Variants in GJC1 observed in about 807,000 individuals in gnomAD.
The protein encoded by GJC1 is gap junction gamma-1 protein.
In GJC1, 5 loss-of-function variants were observed where a neutral mutation model predicts 29.3. That is an observed-to-expected ratio of 0.17 (90% CI 0.09 to 0.36). The LOEUF (loss-of-function observed/expected upper bound fraction) is 0.36, where lower values mean the gene tolerates loss of function less well. Ranked by LOEUF, GJC1 falls within the 10% of genes least tolerant of loss-of-function variation. GJC1 has a pLI of 1.00. For missense variants in GJC1, 310 were observed against 496.2 expected (o/e 0.62, Z 3.56); for synonymous variants, 177 against 183.3 (o/e 0.97, Z 0.28).
At chr17:44,812,325 AAAATC>A (rs1336221265) in intron 1 of GJC1, among the ~76,000 whole-genome samples, 1 of 152,190 alleles carries the variant, frequency 6.6e-6, no homozygotes, top group East Asian at 1.9e-4. Flanking sequence ...CTCTGTCTCA[AAAATC>A]AAATCAAAAC....
intron 1 of GJC1, among the ~76,000 whole-genome samples, chr17:44,820,734 C>T (rs1407320527): frequency 3.3e-5 from 5 of 152,140 alleles, no homozygotes; most frequent in African/African-American, 4.8e-5. Flanking sequence ...GTGACTCATA[C>T]CCCTGAACGC....
At position 44,805,834 on chromosome 17, in the gene GJC1, T is replaced by C. The variant is rs762050774; in HGVS notation, c.-17A>G. On this transcript the variant is annotated 5_prime_UTR_variant, in exon 3 of 3. Transcript: ENST00000592524. This position sits in a 1 kb window ranked among gnomAD's most constrained non-coding sequence, Gnocchi z 5.1. ...CCAACTCATGGTGATTGAATTGGTATGCCCTGATAAAAGTGGAAAAATACC... is the reference window on the plus strand; with the variant it reads ...CCAACTCATGGTGATTGAATTGGTACGCCCTGATAAAAGTGGAAAAATACC... 7.0e-7 allele frequency: 1 copy of C among 1,433,708 alleles called. No individual in the cohort carries two copies. Among genetic ancestry groups the C allele is most frequent in the East Asian group, 2.3e-5 (1 of 43,620 alleles). 88.8% of individuals were successfully genotyped at this position (1,433,708 alleles called of 1,614,324 possible).
downstream of GJC1, among the ~76,000 whole-genome samples, chr17:44,796,644 C>A (rs1333350310): frequency 6.6e-6 from 1 of 152,170 alleles, no homozygotes; most frequent in Non-Finnish European, 1.5e-5. Flanking sequence ...GGTAATGCAA[C>A]TATTATGCAT....
rs184883365 is a variant in GJC1 at position 44,828,738 on chromosome 17, T to C, written c.-97+1324A>G. ...AAACTTAACCCACAACTCACAATAT[T>C]TTAATCAGGAGCTCTGGAAGTAAGG... On this transcript the variant is annotated intron_variant, in intron 1 of 2. Transcript: ENST00000592524. Among the ~76,000 whole-genome samples, 67 of 152,264 alleles carry C rather than the reference T, an allele frequency of 4.4e-4. 1 individual carries two copies. The highest frequency in any genetic ancestry group is 1.6e-3 in the African/African-American group (65 of 41,546).
At chr17:44,794,453 C>A (rs2049772456), downstream of GJC1, 1 of 152,192 alleles carries the variant, frequency 6.6e-6, no homozygotes, top group Non-Finnish European at 1.5e-5. Context: ...TGAGTCTGTC[C>A]CTTCTCCCAG....
chr17:44,819,666 A>G (rs2050085754), intron 1 of GJC1, among the ~76,000 whole-genome samples: 1 of 55,162 alleles, frequency 1.8e-5, no homozygotes, highest in Non-Finnish European at 3.9e-5. Context: ...TCAAAAATAA[A>G]TAAATAAATA....
chr17:44,810,834 T>C (rs1024933599), intron 1 of GJC1, among the ~76,000 whole-genome samples: 2 of 152,080 alleles, frequency 1.3e-5, no homozygotes, highest in Non-Finnish European at 2.9e-5. Context: ...AGTGCAGTGG[T>C]GCAGACCTAA....
At chr17:44,818,598 C>G (rs2050070175) in intron 1 of GJC1, among the ~76,000 whole-genome samples, 1 of 149,378 alleles carries the variant, frequency 6.7e-6, no homozygotes. Context: ...AAGGTCAGTT[C>G]AAGACCAGCC....
chr17:44,805,350 G>A lies in GJC1; in HGVS notation c.468C>T (p.Ser156=). Residue 156 remains serine (S), a synonymous_variant, in exon 3 of 3, where the codon AGC becomes AGT. Transcript: ENST00000592524. This position sits in a 1 kb window ranked among gnomAD's most constrained non-coding sequence, Gnocchi z 5.1. The part of the protein sequence containing the change: ...LESDKENKEQ[S]QPKPKHDGRR... Reference sequence around the variant, plus strand: ...GGCCATCATGCTTAGGTTTGGGTTGGCTCTGCTCTTTATTTTCCTTATCAC... The same window carrying A: ...GGCCATCATGCTTAGGTTTGGGTTGACTCTGCTCTTTATTTTCCTTATCAC... 6.2e-7 allele frequency: 1 copy of A among 1,614,156 alleles called. No individual in the cohort carries two copies. Among genetic ancestry groups the A allele is most frequent in the Non-Finnish European group, 8.5e-7 (1 of 1,180,002 alleles).
chr17:44,798,439 A>G (rs1435017338), downstream of GJC1: 2 of 152,236 alleles, frequency 1.3e-5, no homozygotes, highest in African/African-American at 2.4e-5. Context: ...AGGAAACACA[A>G]ACCACAAATG....
intron 1 of GJC1, among the ~76,000 whole-genome samples, chr17:44,813,549 G>A (rs1251907486): frequency 1.5e-5 from 2 of 130,174 alleles, no homozygotes; most frequent in Admixed American, 1.8e-4. Context: ...CTGGAGTGCA[G>A]TACCACGATC....
At chr17:44,812,022 C>CA (rs1189723248) in intron 1 of GJC1, among the ~76,000 whole-genome samples, 2 of 149,036 alleles carry the variant, frequency 1.3e-5, no homozygotes, top group African/African-American at 4.9e-5. Flanking sequence ...AAACAAAAAA[C>CA]AAAAAAACCC....
In GJC1 at chr17:44,805,859, C is replaced by A. The variant is rs1482329508; in HGVS notation, c.-20-22G>T. ...TGCCCTGATAAAAGTGGAAAAATAC[C>A]AAAATAAAATCAACAAATATTAAAT... On this transcript the variant is annotated intron_variant, in intron 2 of 2. Coordinates refer to ENST00000592524, the MANE Select transcript of GJC1 (RefSeq NM_005497.4). The surrounding 1 kb of genome is among the most constrained non-coding windows in gnomAD (Gnocchi z 5.1). 5 of 1,085,726 alleles carry A rather than the reference C, an allele frequency of 4.6e-6. No individual in the cohort carries two copies. The highest frequency in any genetic ancestry group is 5.4e-6 in the Non-Finnish European group (4 of 746,702). 67.3% of individuals were successfully genotyped at this position (1,085,726 alleles called of 1,614,324 possible). A position where few individuals can be genotyped will look rare whatever the true frequency, so the allele number is the denominator to read the frequency against.
At chr17:44,819,307 C>T (rs2050078987) in intron 1 of GJC1, among the ~76,000 whole-genome samples, 2 of 152,118 alleles carry the variant, frequency 1.3e-5, no homozygotes, top group African/African-American at 4.8e-5. Flanking sequence ...TTGTGTCTGG[C>T]TTATTTCACT....
intron 1 of GJC1, among the ~76,000 whole-genome samples, chr17:44,823,247 T>TG (rs1491096086): frequency 7.8e-6 from 1 of 128,982 alleles, no homozygotes; most frequent in East Asian, 2.3e-4. Flanking sequence ...ATTTCTTTCC[T>TG]GTTTTTTTTT....
chr17:44,816,287 T>C (rs971341726), intron 1 of GJC1, among the ~76,000 whole-genome samples: 1 of 152,030 alleles, frequency 6.6e-6, no homozygotes, highest in African/African-American at 2.4e-5. Flanking sequence ...AGAAACCAAA[T>C]GTGCTATTTT....
intron 1 of GJC1, among the ~76,000 whole-genome samples, chr17:44,809,127 G>T (rs543183403): frequency 6.6e-6 from 1 of 152,236 alleles, no homozygotes; most frequent in African/African-American, 2.4e-5. Flanking sequence ...TGGGCATGGT[G>T]GCTCACACCT....
intron 1 of GJC1, among the ~76,000 whole-genome samples, chr17:44,826,940 A>G (rs538089616): frequency 6.6e-6 from 1 of 152,316 alleles, no homozygotes; most frequent in South Asian, 2.1e-4. Flanking sequence ...ACTGTTTTCT[A>G]TGTCTAAATT....
Position 44,813,484 on chromosome 17 carries a change from C to CTTTT in GJC1, c.-96-6019_-96-6016dup, listed in dbSNP as rs35299072. 6.6e-4 allele frequency among the ~76,000 whole-genome samples: 53 copies of CTTTT among 80,526 alleles called. 1 individual carries two copies. Among genetic ancestry groups the CTTTT allele is most frequent in the African/African-American group, 1.8e-3 (37 of 20,088 alleles). The allele number at this position is 80,526 out of a possible 152,430, so 52.8% of individuals were successfully genotyped here. A position where few individuals can be genotyped will look rare whatever the true frequency, so the allele number is the denominator to read the frequency against. On this transcript the variant is annotated intron_variant, in intron 1 of 2. Transcript: ENST00000592524. ...TTCCCTTTCCTCTCCTTCCAAGTTACTTTTTTTTTTTTTTTTTTTTTTTTT... is the reference window on the plus strand; with the variant it reads ...TTCCCTTTCCTCTCCTTCCAAGTTACTTTTTTTTTTTTTTTTTTTTTTTTTTTTT...
Sources: allele counts gnomAD v4.1 joint callset (sites outside exome capture counted in the v4.1 genomes callset), GRCh38; gene constraint gnomAD v4.1.1; non-coding constraint Gnocchi (gnomAD v3.1); transcripts MANE v1.5; gene names NCBI Gene and HGNC (gene_info 2026-07-23, HGNC 2026-07-21).